CTNNA2: variants seen among roughly 807,000 people sequenced by gnomAD.
The protein encoded by CTNNA2 is catenin alpha-2.
Under a neutral mutation model 101.0 loss-of-function variants are expected in CTNNA2, and 42 were observed. The ratio of observed to expected loss-of-function variants is 0.42; its 90% CI spans 0.32 to 0.54. The LOEUF (loss-of-function observed/expected upper bound fraction) is 0.54, where lower values mean the gene tolerates loss of function less well. Ranked by LOEUF, CTNNA2 falls within the 20% of genes least tolerant of loss-of-function variation. The pLI, the probability that CTNNA2 is intolerant of heterozygous loss-of-function variation, is 0.14. For missense variants in CTNNA2, 871 were observed against 1,223.1 expected (o/e 0.71, Z 4.29); for synonymous variants, 450 against 456.4 (o/e 0.99, Z 0.18).
At chr2:80,372,344 A>C (rs1675517997) in intron 7 of CTNNA2, among the ~76,000 whole-genome samples, 1 of 151,368 alleles carries the variant, frequency 6.6e-6, no homozygotes, top group Non-Finnish European at 1.5e-5. Flanking sequence ...ACAAATCCCC[A>C]TGCAAGCTCC....
intron 15 of CTNNA2, among the ~76,000 whole-genome samples, chr2:80,590,602 T>A (rs62151979): frequency 0.029 from 4,344 of 152,248 alleles, 77 homozygotes; most frequent in Non-Finnish European, 0.034. Context: ...CTAGAATTGA[T>A]TATAAGTTAT....
chr2:80,123,001 C>A (rs993249072), intron 7 of CTNNA2, among the ~76,000 whole-genome samples: 1 of 152,172 alleles, frequency 6.6e-6, no homozygotes, highest in Admixed American at 6.5e-5. Flanking sequence ...GGAACCGTCT[C>A]ACTTCTGCTG....
At chr2:79,652,673 C>T (rs1384958132) in intron 2 of CTNNA2, among the ~76,000 whole-genome samples, 1 of 152,088 alleles carries the variant, frequency 6.6e-6, no homozygotes, top group East Asian at 1.9e-4. Context: ...TCCAAAAAGG[C>T]TTCTATTGCC....
chr2:79,406,976 C>T (rs1317389014), intron 4 of CTNNA2, among the ~76,000 whole-genome samples: 1 of 152,032 alleles, frequency 6.6e-6, no homozygotes, highest in Non-Finnish European at 1.5e-5. Context: ...AGAAGCCCAT[C>T]TTCATTTATA....
At chr2:79,185,915 A>G (rs954224761) in intron 1 of CTNNA2, among the ~76,000 whole-genome samples, 13 of 152,222 alleles carry the variant, frequency 8.5e-5, no homozygotes, top group African/African-American at 3.1e-4. Context: ...GTATAAATCA[A>G]CAGGCTATTG....
intron 12 of CTNNA2, among the ~76,000 whole-genome samples, chr2:80,562,396 T>C (rs1217418467): frequency 1.3e-5 from 2 of 152,088 alleles, no homozygotes; most frequent in Admixed American, 6.6e-5. Context: ...ATAAGATAAA[T>C]GCAAATTAAA....
intron 7 of CTNNA2, among the ~76,000 whole-genome samples, chr2:80,357,240 G>GT (rs397742455): frequency 0.23 from 31,718 of 136,830 alleles, 3,538 homozygotes; most frequent in East Asian, 0.42. Flanking sequence ...TTTTTTTTTT[G>GT]TTTTTTTTTT....
rs934517533 is a variant in CTNNA2, at chr2:79,633,967, A to G, written c.-5-17585A>G. 2.6e-4 allele frequency: 40 copies of G among 152,262 alleles called. 1 individual carries two copies. The highest frequency in any genetic ancestry group is 1.7e-3 in the Admixed American group (26 of 15,292). The allele number at this position is 152,262 out of a possible 1,614,324, so 9.4% of individuals were successfully genotyped here. A position where few individuals can be genotyped will look rare whatever the true frequency, so the allele number is the denominator to read the frequency against. On this transcript the variant is annotated intron_variant, in intron 1 of 18. Transcript: ENST00000402739. ...TAGTTAGTATAGAATTTGATTTATAAGAGTTGAAAATAATTTGCTGAAAAG... is the reference window on the plus strand; with the variant it reads ...TAGTTAGTATAGAATTTGATTTATAGGAGTTGAAAATAATTTGCTGAAAAG...
chr2:80,277,910 G>A lies in CTNNA2; in HGVS notation c.1057-115301G>A, dbSNP rs1243607962. Among the ~76,000 whole-genome samples, 2 of 152,066 alleles carry A rather than the reference G, an allele frequency of 1.3e-5. 1 individual carries two copies. The highest frequency in any genetic ancestry group is 2.9e-5 in the Non-Finnish European group (2 of 68,014). ...AGAGTTTATTTCATGGCCTCTGAGT[G>A]TCTACTTTCCCCGGGTTAAGCCAAC... is the stretch of plus-strand genomic sequence containing the variant. On this transcript the variant is annotated intron_variant, in intron 7 of 18. Coordinates refer to ENST00000402739, the MANE Select transcript of CTNNA2 (RefSeq NM_001282597.3).
chr2:79,771,293 T>C (rs1200970748), intron 3 of CTNNA2, among the ~76,000 whole-genome samples: 3 of 152,180 alleles, frequency 2.0e-5, no homozygotes, highest in Admixed American at 6.5e-5. Flanking sequence ...CTGAAAGTCA[T>C]TGTCTTTTAG....
Position 80,491,584 on chromosome 2 carries a change from G to A in CTNNA2, c.1291-53398G>A, listed in dbSNP as rs977997113. Among the ~76,000 whole-genome samples, 4 of 152,298 alleles carry A rather than the reference G, an allele frequency of 2.6e-5. No homozygotes were observed. The South Asian group carries it at 8.3e-4, about 32-fold the overall frequency. On this transcript the variant is annotated intron_variant, in intron 9 of 18. Coordinates refer to ENST00000402739, the MANE Select transcript of CTNNA2 (RefSeq NM_001282597.3). Reference sequence around the variant, plus strand: ...GGGAAAATTAAAATATCTGGTTGGAGGAAGACAAAGGAGAGAAATAAGAGG... The same window carrying A: ...GGGAAAATTAAAATATCTGGTTGGAAGAAGACAAAGGAGAGAAATAAGAGG...
At chr2:79,951,646 C>T (rs1688887879) in intron 7 of CTNNA2, among the ~76,000 whole-genome samples, 1 of 151,890 alleles carries the variant, frequency 6.6e-6, no homozygotes. Context: ...GCCTGGATGA[C>T]AGAGTGAGAC....
rs994340040 is a variant in CTNNA2, at chr2:80,647,910, T to C, written c.*38T>C. The C allele has an allele frequency of 1.3e-6, 2 of 1,522,124 alleles. No individual in the cohort carries two copies. Among genetic ancestry groups the C allele is most frequent in the Non-Finnish European group, 1.8e-6 (2 of 1,135,564 alleles). 94.3% of individuals were successfully genotyped at this position (1,522,124 alleles called of 1,614,324 possible). ...TAACAAGAAAGCTTTTTCTTTCTTT[T>C]CTTTCTTTCTTTTTCTTTTTAATTC... On this transcript the variant is annotated 3_prime_UTR_variant, in exon 19 of 19. Coordinates refer to ENST00000402739, the MANE Select transcript of CTNNA2 (RefSeq NM_001282597.3).
At chr2:80,379,323 G>A (rs1676285809) in intron 7 of CTNNA2, among the ~76,000 whole-genome samples, 3 of 152,162 alleles carry the variant, frequency 2.0e-5, no homozygotes, top group Non-Finnish European at 4.4e-5. Context: ...AGGTGGATAT[G>A]ACAATAACAG....
intron 7 of CTNNA2, among the ~76,000 whole-genome samples, chr2:80,257,858 G>T (rs7586542): frequency 1.3e-5 from 2 of 152,238 alleles, no homozygotes; most frequent in Admixed American, 1.3e-4. Context: ...CATCAGTGCA[G>T]TCGATTATAC....
chr2:80,453,872 T>C (rs1051051977), intron 9 of CTNNA2, among the ~76,000 whole-genome samples: 4 of 152,184 alleles, frequency 2.6e-5, no homozygotes, highest in African/African-American at 9.6e-5. Context: ...GTGTGATGAA[T>C]AAATACCCAT....
chr2:79,589,137 C>G (rs17017318), intron 1 of CTNNA2, among the ~76,000 whole-genome samples: 3,683 of 152,212 alleles, frequency 0.024, 138 homozygotes, highest in African/African-American at 0.08. Context: ...TGAAATGGAG[C>G]AATCTGAGCA....
rs559131273 is a variant in CTNNA2 at position 79,893,822 on chromosome 2, C to T, written c.853-15772C>T. Among the ~76,000 whole-genome samples the T allele has an allele frequency of 2.0e-4, 30 of 152,186 alleles. No individual in the cohort carries two copies. In the East Asian group the frequency reaches 5.8e-3, roughly 29 times the overall value. On this transcript the variant is annotated intron_variant, in intron 6 of 18. Transcript: ENST00000402739. ...TTATGTTTTTACATTTATAATTATA[C>T]AAATAATAGTTTTTTAGACTAACTT...
chr2:79,723,962 C>T lies in CTNNA2; in HGVS notation c.103-20425C>T, dbSNP rs115336540. ...TCCCTCAGCTACTGCCTTGGTCTTGCGTCTGATGCACATATTGCTCTGACT... is the reference window on the plus strand; with the variant it reads ...TCCCTCAGCTACTGCCTTGGTCTTGTGTCTGATGCACATATTGCTCTGACT... On this transcript the variant is annotated intron_variant, in intron 2 of 18. Coordinates refer to ENST00000402739, the MANE Select transcript of CTNNA2 (RefSeq NM_001282597.3). Among the ~76,000 whole-genome samples, 687 of 152,222 alleles carry T rather than the reference C, an allele frequency of 4.5e-3. 5 individuals are homozygous for T. The highest frequency in any genetic ancestry group is 0.016 in the African/African-American group (658 of 41,556).
Sources: allele counts gnomAD v4.1 joint callset (sites outside exome capture counted in the v4.1 genomes callset), GRCh38; gene constraint gnomAD v4.1.1; transcripts MANE v1.5; gene names NCBI Gene and HGNC (gene_info 2026-07-23, HGNC 2026-07-21).